Variants in ACER1 observed in about 807,000 individuals in gnomAD.
The protein encoded by ACER1 is alkaline ceramidase 1.
ACER1 carries 28 observed loss-of-function variants against 24.9 expected under a neutral mutation model. That is an observed-to-expected ratio of 1.13 (90% CI 0.83 to 1.54). The LOEUF (loss-of-function observed/expected upper bound fraction) is 1.54, where lower values mean the gene tolerates loss of function less well. ACER1 is among the 40% of genes most tolerant of loss of function. ACER1 has a pLI of 0.00. For missense variants in ACER1, 352 were observed against 349.3 expected (o/e 1.01, Z -0.06); for synonymous variants, 132 against 131.4 (o/e 1.00, Z -0.03).
At position 6,306,495 on chromosome 19, in the gene ACER1, G is replaced by A. The variant is rs992094382; in HGVS notation, c.*219C>T. On this transcript the variant is annotated 3_prime_UTR_variant, in exon 6 of 6. Transcript: ENST00000301452. ...ATGGGGGGGGTCATGGAGGGGAGAT[G>A]CACGAGACAGCCCCCCACAGTCACC... 1 of 519,234 alleles carries A rather than the reference G, an allele frequency of 1.9e-6. No homozygotes were observed. The allele number at this position is 519,234 out of a possible 1,614,324, so 32.2% of individuals were successfully genotyped here.
At chr19:6,319,095 G>A (rs569394415) in intron 1 of ACER1, among the ~76,000 whole-genome samples, 1 of 152,212 alleles carries the variant, frequency 6.6e-6, no homozygotes, top group African/African-American at 2.4e-5. Flanking sequence ...TGGGGCTGCT[G>A]CTGTTGTTAT....
intron 1 of ACER1, among the ~76,000 whole-genome samples, chr19:6,330,294 A>G (rs184577070): frequency 3.3e-5 from 5 of 150,000 alleles, no homozygotes; most frequent in Admixed American, 3.3e-4. Context: ...CAGCCTCCCC[A>G]GTAGCAGGGA....
chr19:6,356,029 A>AG, the ACER1 span, among the ~76,000 whole-genome samples: 393 of 151,596 alleles, frequency 2.6e-3, 7 homozygotes, highest in African/African-American at 9.3e-3. Context: ...TGGAATAGAA[A>AG]GGGGGGAAAG....
chr19:6,306,878 CA>C lies in ACER1; in HGVS notation c.630del (p.His210GlnfsTer76), dbSNP rs1165657905. 15 of 1,612,828 alleles carry C rather than the reference CA, an allele frequency of 9.3e-6. No individual in the cohort carries two copies. The highest frequency in any genetic ancestry group is 1.3e-5 in the Non-Finnish European group (15 of 1,179,292). On this transcript the variant is annotated frameshift_variant, in exon 6 of 6. Coordinates refer to ENST00000301452, the MANE Select transcript of ACER1 (RefSeq NM_133492.3). LOFTEE classifies it high-confidence loss of function. ...IHFFYLHSIW[H>X]VLISITFPYG... ...TAAGGGAAGGTGATGCTGATGAGCA[CA>C]TGCCTGTGGAGTGCAGGGCGAAGGT...
upstream of ACER1, among the ~76,000 whole-genome samples, chr19:6,336,467 G>T (rs1323760351): frequency 6.6e-6 from 1 of 152,110 alleles, no homozygotes; most frequent in Non-Finnish European, 1.5e-5. Context: ...AATGATAATG[G>T]TACTGCCCTC....
intron 2 of ACER1, 44 bp from the exon 3 acceptor site, chr19:6,312,334 T>C (rs1359968269): frequency 6.2e-7 from 1 of 1,613,808 alleles, no homozygotes. Flanking sequence ...CGCCACCTCC[T>C]AAACCCCCAC....
the ACER1 span, among the ~76,000 whole-genome samples, chr19:6,340,983 T>C: frequency 6.6e-6 from 1 of 152,032 alleles, no homozygotes; most frequent in African/African-American, 2.4e-5. Context: ...CACAGCTGTG[T>C]TCCTGGTGGA....
At chr19:6,338,589 AT>A (rs775431844), upstream of ACER1, among the ~76,000 whole-genome samples, 1 of 151,834 alleles carries the variant, frequency 6.6e-6, no homozygotes, top group African/African-American at 2.4e-5. Context: ...TAATTATTCC[AT>A]TTTTTTTAAT....
chr19:6,319,148 C>T (rs923205636), intron 1 of ACER1, among the ~76,000 whole-genome samples: 6 of 152,072 alleles, frequency 3.9e-5, no homozygotes, highest in Admixed American at 6.6e-5. Context: ...TTATGGGTAT[C>T]GTTATTCCAA....
chr19:6,347,109 A>AAAATATATATATATATATATAT, the ACER1 span, among the ~76,000 whole-genome samples: 1 of 113,776 alleles, frequency 8.8e-6, no homozygotes, highest in African/African-American at 5.1e-5. Flanking sequence ...AAAAAAAAAA[A>AAAATATATATATATATATATAT]ATATATATAT....
At chr19:6,332,767 T>A (rs1486998860) in intron 1 of ACER1, among the ~76,000 whole-genome samples, 1 of 151,882 alleles carries the variant, frequency 6.6e-6, no homozygotes, top group Admixed American at 6.6e-5. Context: ...GCCTCCTGGG[T>A]TCAAGCGATT....
chr19:6,351,612 G>T, the ACER1 span, among the ~76,000 whole-genome samples: 7 of 151,106 alleles, frequency 4.6e-5, no homozygotes, highest in African/African-American at 1.7e-4. Context: ...ATGCACATGT[G>T]GTCCCAGCTA....
the ACER1 span, among the ~76,000 whole-genome samples, chr19:6,344,329 C>A: frequency 6.6e-6 from 1 of 151,326 alleles, no homozygotes; most frequent in East Asian, 1.9e-4. Flanking sequence ...TTAATTCCAG[C>A]TACTCAGGAG....
At chr19:6,346,285 A>G in the ACER1 span, among the ~76,000 whole-genome samples, 3 of 152,132 alleles carry the variant, frequency 2.0e-5, no homozygotes, top group African/African-American at 7.2e-5. Context: ...TATCTCTTCA[A>G]CTGAGCCTGT....
At chr19:6,312,060 G>A (rs374557045) in intron 3 of ACER1, 89 bp downstream of exon 3, 4 of 1,493,980 alleles carry the variant, frequency 2.7e-6, no homozygotes, top group South Asian at 1.3e-5. Context: ...AGGGTCAAGG[G>A]TGGGGACCCA....
At chr19:6,335,775 G>A (rs988345686), upstream of ACER1, among the ~76,000 whole-genome samples, 2 of 151,490 alleles carry the variant, frequency 1.3e-5, no homozygotes, top group African/African-American at 4.8e-5. Context: ...AGCTTGCAGC[G>A]AGCCAAAATT....
At chr19:6,358,745 C>A in the ACER1 span, among the ~76,000 whole-genome samples, 1 of 150,884 alleles carries the variant, frequency 6.6e-6, no homozygotes, top group African/African-American at 2.4e-5. Flanking sequence ...ACTAGCCTGA[C>A]CAACATGGAG....
At chr19:6,324,137 C>T (rs2091646736) in intron 1 of ACER1, among the ~76,000 whole-genome samples, 1 of 151,006 alleles carries the variant, frequency 6.6e-6, no homozygotes, top group Admixed American at 6.6e-5. Flanking sequence ...CTCCACCTCC[C>T]AGCTTCAAGC....
intron 3 of ACER1, among the ~76,000 whole-genome samples, chr19:6,310,225 C>A (rs1203115990): frequency 6.6e-6 from 1 of 151,756 alleles, no homozygotes; most frequent in Non-Finnish European, 1.5e-5. Context: ...GTAGCTGGGA[C>A]TACAGGCGCC....
Sources: allele counts gnomAD v4.1 joint callset (sites outside exome capture counted in the v4.1 genomes callset), GRCh38; gene constraint gnomAD v4.1.1; transcripts MANE v1.5; gene names NCBI Gene and HGNC (gene_info 2026-07-23, HGNC 2026-07-21).